The following DNAJC19 variants were observed in gnomAD, a reference collection of about 807,000 sequenced individuals.
DNAJC19 encodes the protein mitochondrial import inner membrane translocase subunit TIM14.
Under a neutral mutation model 19.8 loss-of-function variants are expected in DNAJC19, and 15 were observed. The ratio of observed to expected loss-of-function variants is 0.76; its 90% CI spans 0.51 to 1.17. DNAJC19 has a LOEUF of 1.17. DNAJC19 is among the 50% of genes most tolerant of loss of function. DNAJC19 has a pLI of 0.00. For missense variants in DNAJC19, 105 were observed against 140.9 expected (o/e 0.75, Z 1.29); for synonymous variants, 38 against 42.1 (o/e 0.90, Z 0.38).
intron 4 of DNAJC19, chr3:180,986,571 C>A: frequency 4.8e-6 from 1 of 210,008 alleles, no homozygotes; most frequent in Non-Finnish European, 9.7e-6. Context: ...CGTGAGTCAC[C>A]GCGCCCGGTT....
Position 180,989,688 on chromosome 3 carries a change from A to G in DNAJC19, c.-86T>C, listed in dbSNP as rs527471494. On this transcript the variant is annotated 5_prime_UTR_variant, in exon 1 of 6. Transcript: ENST00000382564. ...CGGCCAACACCTGCACGCCTTTACC[A>G]GAGAGCGACGCAACCCCCAACCTCA... The G allele has an allele frequency of 2.5e-5, 38 of 1,550,888 alleles. No homozygotes were observed. The highest frequency in any genetic ancestry group is 1.7e-4 in the Middle Eastern group (1 of 5,996).
chr3:180,987,366 A>C (rs1714965779), intron 3 of DNAJC19: 3 of 320,470 alleles, frequency 9.4e-6, no homozygotes, highest in Non-Finnish European at 1.8e-5. Flanking sequence ...GAAGTGGCTC[A>C]AGAACAGAAG....
chr3:180,984,561 C>T lies in DNAJC19; in HGVS notation c.*79G>A, dbSNP rs753816728. 2.2e-5 allele frequency: 21 copies of T among 958,852 alleles called. 1 individual carries two copies. In the South Asian group the frequency reaches 2.8e-4, roughly 13 times the overall value. 59.4% of individuals were successfully genotyped at this position (958,852 alleles called of 1,614,324 possible). On this transcript the variant is annotated 3_prime_UTR_variant, in exon 6 of 6. Coordinates refer to ENST00000382564, the MANE Select transcript of DNAJC19 (RefSeq NM_145261.4). ...GCTAAATCATTTTTTAAAATTGTAGCTCTGAGGCATTTTATTATAAAAACT... is the reference window on the plus strand; with the variant it reads ...GCTAAATCATTTTTTAAAATTGTAGTTCTGAGGCATTTTATTATAAAAACT...
At chr3:180,987,115 T>A in intron 3 of DNAJC19, 93 bp from the exon 4 acceptor site, 1 of 1,169,978 alleles carries the variant, frequency 8.5e-7, no homozygotes, top group Non-Finnish European at 1.3e-6. Context: ...TAAGAAAAAC[T>A]AAGACATTTC....
intron 4 of DNAJC19, chr3:180,986,655 G>A (rs1047179287): frequency 1.0e-5 from 4 of 383,182 alleles, no homozygotes; most frequent in South Asian, 9.7e-5. Flanking sequence ...ATCTGCTGAG[G>A]AGTCTATCTT....
intron 5 of DNAJC19, 37 bp downstream of exon 5, chr3:180,985,889 C>T: frequency 6.4e-7 from 1 of 1,554,292 alleles, no homozygotes; most frequent in South Asian, 1.1e-5. Flanking sequence ...CTATTGGTCA[C>T]ACCAACAACA....
At chr3:180,986,672 A>G in intron 4 of DNAJC19, 1 of 427,296 alleles carries the variant, frequency 2.3e-6, no homozygotes, top group Non-Finnish European at 4.2e-6. Flanking sequence ...TCTTTAAATA[A>G]ATGAAAAAGT....
At chr3:180,988,345 T>C in intron 1 of DNAJC19, 116 bp from the exon 2 acceptor site, 2 of 1,098,544 alleles carry the variant, frequency 1.8e-6, no homozygotes. Context: ...GAAACAACTT[T>C]TTTTTTTCTT....
At chr3:180,987,071 C>T (rs761380916) in intron 3 of DNAJC19, 49 bp from the exon 4 acceptor site, 1 of 1,552,948 alleles carries the variant, frequency 6.4e-7, no homozygotes, top group Admixed American at 1.7e-5. Flanking sequence ...AATAAAGTTG[C>T]TTTAAAAAAG....
At chr3:180,985,601 G>A (rs1387857242) in intron 5 of DNAJC19, 1 of 281,682 alleles carries the variant, frequency 3.6e-6, no homozygotes, top group Non-Finnish European at 6.8e-6. Context: ...TTTCTATCTA[G>A]GTAATCTCCG....
rs777655480 is a variant in DNAJC19, at chr3:180,983,779, T to C, written c.*861A>G. 1.3e-5 allele frequency: 6 copies of C among 453,504 alleles called. No individual in the cohort carries two copies. The highest frequency in any genetic ancestry group is 7.8e-5 in the South Asian group (5 of 64,378). The allele number at this position is 453,504 out of a possible 1,614,324, so 28.1% of individuals were successfully genotyped here. A position where few individuals can be genotyped will look rare whatever the true frequency, so the allele number is the denominator to read the frequency against. ...AGAGTCCAAATTAAATATGTTGATA[T>C]TGAGAACATTTCAGTTTTCAGTTTT... On this transcript the variant is annotated 3_prime_UTR_variant, in exon 6 of 6. Transcript: ENST00000382564.
chr3:180,983,777 T>C lies in DNAJC19; in HGVS notation c.*863A>G. The C allele has an allele frequency of 2.2e-6, 1 of 453,398 alleles. No individual in the cohort carries two copies. The highest frequency in any genetic ancestry group is 4.4e-6 in the Non-Finnish European group (1 of 226,504). The allele number at this position is 453,398 out of a possible 1,614,324, so 28.1% of individuals were successfully genotyped here. On this transcript the variant is annotated 3_prime_UTR_variant, in exon 6 of 6. Transcript: ENST00000382564. ...AAAGAGTCCAAATTAAATATGTTGA[T>C]ATTGAGAACATTTCAGTTTTCAGTT... is the stretch of plus-strand genomic sequence containing the variant.
intron 4 of DNAJC19, 75 bp from the exon 5 acceptor site, chr3:180,986,071 T>C: frequency 8.5e-7 from 1 of 1,179,030 alleles, no homozygotes; most frequent in Non-Finnish European, 1.3e-6. Flanking sequence ...TAAAGGCCAA[T>C]TAAAGACACT....
Position 180,986,931 on chromosome 3 carries a change from AG to A in DNAJC19, c.209+11del. On this transcript the variant is annotated intron_variant, in intron 4 of 5. Coordinates refer to ENST00000382564, the MANE Select transcript of DNAJC19 (RefSeq NM_145261.4). ...GGTAGAAAAATGCTAAAAATATTAG[AG>A]ATTATTTTACCTTACACCTAGTATT... The A allele has an allele frequency of 6.2e-7, 1 of 1,607,196 alleles. No homozygotes were observed. Among genetic ancestry groups the A allele is most frequent in the Non-Finnish European group, 8.5e-7 (1 of 1,173,934 alleles).
In DNAJC19 at chr3:180,989,691, G is replaced by C. The variant is rs1456056655; in HGVS notation, c.-89C>G. 6 of 1,548,940 alleles carry C rather than the reference G, an allele frequency of 3.9e-6. No homozygotes were observed. Among genetic ancestry groups the C allele is most frequent in the Middle Eastern group, 1.7e-4 (1 of 6,018 alleles). On this transcript the variant is annotated 5_prime_UTR_variant, in exon 1 of 6. Coordinates refer to ENST00000382564, the MANE Select transcript of DNAJC19 (RefSeq NM_145261.4). ...CCAACACCTGCACGCCTTTACCAGA[G>C]AGCGACGCAACCCCCAACCTCAAGC...
At chr3:180,986,763 A>G in intron 4 of DNAJC19, 180 bp downstream of exon 4, 1 of 614,716 alleles carries the variant, frequency 1.6e-6, no homozygotes, top group South Asian at 2.0e-5. Context: ...AGGATTGTTT[A>G]CATCTTAAAA....
rs764876279 is a variant in DNAJC19 at position 180,984,592 on chromosome 3, C to T, written c.*48G>A. 8 of 1,317,344 alleles carry T rather than the reference C, an allele frequency of 6.1e-6. No individual in the cohort carries two copies. The African/African-American group carries it at 7.3e-5, about 12-fold the overall frequency. The allele number at this position is 1,317,344 out of a possible 1,614,324, so 81.6% of individuals were successfully genotyped here. ...GGCATTTTATTATAAAAACTTAGTACTCATATACATAAACTAATACGAACT... is the reference window on the plus strand; with the variant it reads ...GGCATTTTATTATAAAAACTTAGTATTCATATACATAAACTAATACGAACT... On this transcript the variant is annotated 3_prime_UTR_variant, in exon 6 of 6. Transcript: ENST00000382564.
At chr3:180,989,295 G>C (rs568583800) in intron 1 of DNAJC19, 2 of 1,373,798 alleles carry the variant, frequency 1.5e-6, no homozygotes, top group Admixed American at 3.1e-5. Flanking sequence ...AATCAAATAC[G>C]TTTCCACTAA....
At chr3:180,987,867 T>A (rs1714989920) in intron 3 of DNAJC19, 156 bp downstream of exon 3, 1 of 870,700 alleles carries the variant, frequency 1.1e-6, no homozygotes, top group African/African-American at 1.7e-5. Context: ...GGTAGCACCA[T>A]CACAAAGTTC....
Sources: allele counts gnomAD v4.1 joint callset, GRCh38; gene constraint gnomAD v4.1.1; transcripts MANE v1.5; gene names NCBI Gene and HGNC (gene_info 2026-07-23, HGNC 2026-07-21).